Variants in IFT70B observed in about 807,000 individuals in gnomAD.
IFT70B encodes intraflagellar transport 70B.
At chr2:177,552,683 G>C in the IFT70B span, 1 of 1,597,578 alleles carries the variant, frequency 6.3e-7, no homozygotes, top group South Asian at 1.1e-5. Flanking sequence ...CCGCCTCGGC[G>C]TAGCGTGCAT....
the IFT70B span, chr2:177,552,520 G>C: frequency 1.3e-3 from 2,159 of 1,601,790 alleles, 19 homozygotes; most frequent in African/African-American, 0.024. Context: ...TGGTACAGGC[G>C]GTACTGCTCC....
At chr2:177,549,114 A>G in the IFT70B span, 1 of 152,194 alleles carries the variant, frequency 6.6e-6, no homozygotes, top group East Asian at 1.9e-4. Context: ...GCACAAAGCT[A>G]CTGCAGCAAC....
chr2:177,552,314 G>GC, the IFT70B span: 1 of 1,614,090 alleles, frequency 6.2e-7, no homozygotes, highest in South Asian at 1.1e-5. Context: ...TCTCATTCTC[G>GC]CCCCCACTTT....
At chr2:177,550,853 T>G in the IFT70B span, 1 of 1,614,122 alleles carries the variant, frequency 6.2e-7, no homozygotes, top group Non-Finnish European at 8.5e-7. Context: ...CATGCATTCT[T>G]TCTTCTTCCA....
chr2:177,552,164 G>C, the IFT70B span: 1 of 1,614,246 alleles, frequency 6.2e-7, no homozygotes. Context: ...ACTGTCGGCT[G>C]CTGTAATAGG....
chr2:177,551,998 G>C, the IFT70B span: 3 of 1,614,208 alleles, frequency 1.9e-6, no homozygotes, highest in Admixed American at 5.0e-5. Flanking sequence ...GCTGCCTTAA[G>C]GTTGAAGGCT....
chr2:177,550,539 A>C, the IFT70B span: 1 of 416,580 alleles, frequency 2.4e-6, no homozygotes, highest in African/African-American at 2.1e-5. Context: ...CTTCTGATAT[A>C]AACATTCCTC....
chr2:177,550,004 C>T, the IFT70B span: 1 of 152,146 alleles, frequency 6.6e-6, no homozygotes, highest in Non-Finnish European at 1.5e-5. Flanking sequence ...CATAACAAAA[C>T]CTGTGTCTCT....
chr2:177,550,660 G>C, the IFT70B span: 2 of 1,011,586 alleles, frequency 2.0e-6, no homozygotes, highest in South Asian at 3.6e-5. Flanking sequence ...TAATGCATAA[G>C]TGTACAAAGT....
chr2:177,550,655 C>A, the IFT70B span: 3 of 965,724 alleles, frequency 3.1e-6, no homozygotes, highest in Non-Finnish European at 4.5e-6. Flanking sequence ...TTTTATAATG[C>A]ATAAGTGTAC....
At chr2:177,552,340 T>C in the IFT70B span, 3 of 1,614,204 alleles carry the variant, frequency 1.9e-6, no homozygotes, top group Admixed American at 1.7e-5. Context: ...CCCCCTTCCC[T>C]ACTCGGCAGC....
At chr2:177,552,018 G>C in the IFT70B span, 227 of 1,614,234 alleles carry the variant, frequency 1.4e-4, no homozygotes, top group Middle Eastern at 1.6e-4. Flanking sequence ...TTCCACCAGA[G>C]CAGTCTGATG....
the IFT70B span, chr2:177,549,218 C>G: frequency 1.3e-5 from 2 of 152,166 alleles, no homozygotes; most frequent in Non-Finnish European, 2.9e-5. Flanking sequence ...ATTGCTTGTC[C>G]TCCACATGTG....
the IFT70B span, chr2:177,550,885 GTA>G: frequency 6.2e-7 from 1 of 1,614,026 alleles, no homozygotes; most frequent in Non-Finnish European, 8.5e-7. Flanking sequence ...ATAACAGCAG[GTA>G]TGTTTCTGCC....
the IFT70B span, chr2:177,552,109 T>A: frequency 1.3e-5 from 21 of 1,614,248 alleles, no homozygotes; most frequent in Non-Finnish European, 1.7e-5. Flanking sequence ...TGCTGGCGGA[T>A]GCCACGCTCA....
At chr2:177,550,950 C>T in the IFT70B span, 27 of 1,614,002 alleles carry the variant, frequency 1.7e-5, no homozygotes, top group Admixed American at 3.3e-5. Context: ...AACACTATCA[C>T]GAAGCATGAT....
At chr2:177,552,424 G>A in the IFT70B span, 1 of 1,613,364 alleles carries the variant, frequency 6.2e-7, no homozygotes, top group Non-Finnish European at 8.5e-7. Context: ...CGGAGGACCC[G>A]GCTGTGGTAG....
chr2:177,551,982 TCTATAGCTGC>T, the IFT70B span: 5 of 1,614,108 alleles, frequency 3.1e-6, no homozygotes, highest in Non-Finnish European at 4.2e-6. Context: ...CAGTTGGTAT[TCTATAGCTGC>T]CTTAAGGTTG....
At chr2:177,551,674 C>T in the IFT70B span, 40 of 1,614,074 alleles carry the variant, frequency 2.5e-5, no homozygotes, top group Non-Finnish European at 3.3e-5. Context: ...GTGATCACAG[C>T]GTCCAAGAAG....
Sources: allele counts gnomAD v4.1 joint callset, GRCh38; gene constraint gnomAD v4.1.1; transcripts MANE v1.5; gene names NCBI Gene and HGNC (gene_info 2026-07-23, HGNC 2026-07-21).